The following EZH2 variants were observed in gnomAD, a reference collection of about 807,000 sequenced individuals.
EZH2 encodes the protein enhancer of zeste 2 polycomb repressive complex 2 subunit.
In EZH2, 18 loss-of-function variants were observed where a neutral mutation model predicts 98.4. The ratio of observed to expected loss-of-function variants is 0.18; its 90% CI spans 0.13 to 0.27. The LOEUF (loss-of-function observed/expected upper bound fraction) is 0.27, where lower values mean the gene tolerates loss of function less well. EZH2 is among the 10% of genes least tolerant of loss of function. The pLI, the probability that EZH2 is intolerant of heterozygous loss-of-function variation, is 1.00. For synonymous variants in EZH2, 338 were observed against 312.3 expected (o/e 1.08, Z -0.87); for missense variants, 470 against 935.1 (o/e 0.50, Z 6.49).
chr7:148,869,942 C>A (rs1209357332), intron 1 of EZH2, among the ~76,000 whole-genome samples: 2 of 152,220 alleles, frequency 1.3e-5, no homozygotes, highest in Non-Finnish European at 2.9e-5. Flanking sequence ...TCTTCTTGGT[C>A]TGGCATGATG....
At chr7:148,871,325 A>G (rs1024857259) in intron 1 of EZH2, among the ~76,000 whole-genome samples, 1 of 151,548 alleles carries the variant, frequency 6.6e-6, no homozygotes, top group Non-Finnish European at 1.5e-5. Context: ...CATATGATCC[A>G]GCAATCACAA....
At chr7:148,880,992 G>A (rs1820872903) in intron 1 of EZH2, among the ~76,000 whole-genome samples, 2 of 152,326 alleles carry the variant, frequency 1.3e-5, no homozygotes, top group African/African-American at 2.4e-5. Context: ...AAGACCTCCA[G>A]AAGGTAAAGT....
At chr7:148,850,363 ATTAG>A in intron 1 of EZH2, 1 of 353,230 alleles carries the variant, frequency 2.8e-6, no homozygotes, top group Non-Finnish European at 4.0e-6. Context: ...TGATGAAGAC[ATTAG>A]TTAGCATTTT....
chr7:148,817,750 G>A, intron 10 of EZH2, 127 bp downstream of exon 10: 4 of 1,269,210 alleles, frequency 3.2e-6, no homozygotes, highest in Non-Finnish European at 4.5e-6. Flanking sequence ...ACACATTCTT[G>A]AGATAACTCT....
chr7:148,814,297 G>A (rs1334641418), intron 14 of EZH2, among the ~76,000 whole-genome samples, 160 bp from the exon 15 acceptor site: 4 of 152,042 alleles, frequency 2.6e-5, no homozygotes, highest in Non-Finnish European at 4.4e-5. Flanking sequence ...TATTAACAGC[G>A]AAGTTATAGC....
At chr7:148,811,096 A>T (rs1242244385) in intron 16 of EZH2, among the ~76,000 whole-genome samples, 3 of 152,104 alleles carry the variant, frequency 2.0e-5, no homozygotes, top group African/African-American at 7.2e-5. Flanking sequence ...TTGTCCCTAG[A>T]CGAGAAAAAC....
chr7:148,877,064 T>C (rs1396935145), intron 1 of EZH2, among the ~76,000 whole-genome samples: 3 of 152,164 alleles, frequency 2.0e-5, no homozygotes, highest in Non-Finnish European at 4.4e-5. Context: ...ATATCAATTA[T>C]TTTTTAATAA....
At position 148,866,519 on chromosome 7, in the gene EZH2, T is replaced by TGTATATACATATATATAC. The variant is rs1554423028; in HGVS notation, c.-8+17627_-8+17644dup. Among the ~76,000 whole-genome samples, 6 of 70,546 alleles carry TGTATATACATATATATAC rather than the reference T, an allele frequency of 8.5e-5. No individual in the cohort carries two copies. In the East Asian group the frequency reaches 1.9e-3, roughly 22 times the overall value. 46.3% of individuals were successfully genotyped at this position (70,546 alleles called of 152,430 possible). A position where few individuals can be genotyped will look rare whatever the true frequency, so the allele number is the denominator to read the frequency against. On this transcript the variant is annotated intron_variant, in intron 1 of 19. Transcript: ENST00000320356. ...ATATATACGTATATACATATATATG[T>TGTATATACATATATATAC]GTATATACATATATATACGTATATA...
At chr7:148,849,913 C>A (rs1277098163) in intron 1 of EZH2, among the ~76,000 whole-genome samples, 4 of 152,160 alleles carry the variant, frequency 2.6e-5, no homozygotes, top group Non-Finnish European at 4.4e-5. Flanking sequence ...CACCTCTAGT[C>A]CATCTGCTGC....
At chr7:148,814,248 C>A (rs996505221) in intron 14 of EZH2, 111 bp from the exon 15 acceptor site, 1 of 896,376 alleles carries the variant, frequency 1.1e-6, no homozygotes, top group Admixed American at 2.2e-5. Flanking sequence ...ACCCTCACAA[C>A]CACCTTATTA....
intron 1 of EZH2, among the ~76,000 whole-genome samples, chr7:148,871,791 T>C (rs1360718326): frequency 6.6e-6 from 1 of 152,072 alleles, no homozygotes; most frequent in Non-Finnish European, 1.5e-5. Flanking sequence ...TCCAGGCTGG[T>C]CTCGAACTCC....
At chr7:148,810,449 A>G in intron 16 of EZH2, 35 bp from the exon 17 acceptor site, 1 of 1,449,702 alleles carries the variant, frequency 6.9e-7, no homozygotes. Flanking sequence ...ATTCTTTTGG[A>G]TAAAGGTGAT....
At chr7:148,873,857 G>A (rs1217091646) in intron 1 of EZH2, among the ~76,000 whole-genome samples, 1 of 36,046 alleles carries the variant, frequency 2.8e-5, no homozygotes, top group African/African-American at 3.5e-4. Flanking sequence ...AAGGGAAGGA[G>A]AGAGAAAAAA....
intron 2 of EZH2, among the ~76,000 whole-genome samples, chr7:148,846,884 ATTT>A (rs1161068583): frequency 1.1e-5 from 1 of 92,376 alleles, no homozygotes; most frequent in African/African-American, 3.8e-5. Flanking sequence ...GTGTGTGTGT[ATTT>A]TTTTTTTTAA....
At chr7:148,831,772 CATTTT>C (rs769759684) in intron 4 of EZH2, among the ~76,000 whole-genome samples, 1 of 152,200 alleles carries the variant, frequency 6.6e-6, no homozygotes, top group African/African-American at 2.4e-5. Context: ...CTTCTATCAA[CATTTT>C]ATTAGCCTTC....
intron 8 of EZH2, among the ~76,000 whole-genome samples, chr7:148,820,847 C>T (rs564823857): frequency 4.6e-5 from 7 of 152,134 alleles, no homozygotes; most frequent in Middle Eastern, 3.4e-3. Flanking sequence ...AAAAATAAAA[C>T]GAACATTAGA....
At chr7:148,849,179 C>T (rs763351813) in intron 1 of EZH2, among the ~76,000 whole-genome samples, 5 of 151,650 alleles carry the variant, frequency 3.3e-5, no homozygotes, top group East Asian at 1.9e-4. Context: ...TTGGAACTCA[C>T]GGATATGGAA....
chr7:148,856,758 A>G (rs751926319), intron 1 of EZH2, among the ~76,000 whole-genome samples: 2 of 152,280 alleles, frequency 1.3e-5, no homozygotes, highest in African/African-American at 2.4e-5. Flanking sequence ...AGAGTAAATC[A>G]TAACAGTATT....
At chr7:148,814,822 G>A in intron 14 of EZH2, 92 bp downstream of exon 14, 1 of 1,439,524 alleles carries the variant, frequency 6.9e-7, no homozygotes, top group Non-Finnish European at 9.4e-7. Context: ...AAACAAGGGA[G>A]TGCTCCCATG....
Sources: gnomAD v4.1 joint callset for allele counts (sites outside exome capture counted in the v4.1 genomes callset) on GRCh38, gnomAD v4.1.1 for gene constraint, MANE v1.5 for transcripts, NCBI Gene and HGNC (gene_info 2026-07-23, HGNC 2026-07-21) for gene names.